SHANK2: variants seen among roughly 807,000 people sequenced by gnomAD.
The protein encoded by SHANK2 is SH3 and multiple ankyrin repeat domains protein 2.
A neutral mutation model predicts 133.7 loss-of-function variants in SHANK2; 43 were observed. The observed-to-expected ratio is 0.32, with a 90% CI of 0.25 to 0.41. SHANK2 has a LOEUF of 0.41. Ranked by LOEUF, SHANK2 falls within the 10% of genes least tolerant of loss-of-function variation. The pLI, the probability that SHANK2 is intolerant of heterozygous loss-of-function variation, is 1.00. For synonymous variants in SHANK2, 1,017 were observed against 952.8 expected (o/e 1.07, Z -1.24); for missense variants, 1,994 against 2,235.8 (o/e 0.89, Z 2.18).
chr11:70,553,561 C>A (rs1409450799), intron 17 of SHANK2, among the ~76,000 whole-genome samples: 1 of 152,152 alleles, frequency 6.6e-6, no homozygotes, highest in Non-Finnish European at 1.5e-5. Context: ...GTCCTGACAG[C>A]TCAGTCACTG....
intron 14 of SHANK2, among the ~76,000 whole-genome samples, chr11:70,774,730 C>T (rs1007879597): frequency 8.3e-4 from 126 of 151,976 alleles, no homozygotes; most frequent in Non-Finnish European, 2.8e-4. Context: ...CTTAATGGTG[C>T]ACTTTAAAAC....
At chr11:70,815,311 G>A (rs1234772903) in intron 12 of SHANK2, among the ~76,000 whole-genome samples, 5 of 151,974 alleles carry the variant, frequency 3.3e-5, no homozygotes, top group Non-Finnish European at 5.9e-5. Flanking sequence ...GTAGGCAGGA[G>A]AGACTGTGGG....
intron 1 of SHANK2, among the ~76,000 whole-genome samples, chr11:71,234,726 C>T (rs1380683486): frequency 4.6e-5 from 7 of 152,178 alleles, no homozygotes; most frequent in African/African-American, 1.4e-4. Flanking sequence ...GCTAAGTCTG[C>T]GTCCTCTTCT....
In SHANK2 at chr11:71,154,517, C is replaced by T. The variant is rs181183869; in HGVS notation, c.-12-7179G>A. Among the ~76,000 whole-genome samples the T allele has an allele frequency of 6.3e-3, 956 of 152,340 alleles. 9 individuals carry two copies. The highest frequency in any genetic ancestry group is 0.022 in the African/African-American group (918 of 41,576). ...TAACCCACTGTTCTCCTCCCTGCACCTGCAAAACACATCAGCTGAGAAGGA... is the reference window on the plus strand; with the variant it reads ...TAACCCACTGTTCTCCTCCCTGCACTTGCAAAACACATCAGCTGAGAAGGA... On this transcript the variant is annotated intron_variant, in intron 2 of 25. Coordinates refer to ENST00000601538, the MANE Select transcript of SHANK2 (RefSeq NM_012309.5).
chr11:71,084,951 G>A (rs1297346023), intron 8 of SHANK2, among the ~76,000 whole-genome samples: 4 of 152,076 alleles, frequency 2.6e-5, no homozygotes, highest in Non-Finnish European at 2.9e-5. Flanking sequence ...AAATTGCTAC[G>A]GGTCCTATAC....
chr11:70,840,106 G>A (rs1948880473), intron 11 of SHANK2, among the ~76,000 whole-genome samples: 1 of 152,206 alleles, frequency 6.6e-6, no homozygotes, highest in Non-Finnish European at 1.5e-5. Flanking sequence ...CGTACAGTCT[G>A]GGAAGAACAG....
At chr11:71,177,749 T>C (rs1953475114) in intron 2 of SHANK2, among the ~76,000 whole-genome samples, 1 of 152,088 alleles carries the variant, frequency 6.6e-6, no homozygotes, top group South Asian at 2.1e-4. Context: ...AATTCAAAAA[T>C]AGGCAAAGAA....
intron 3 of SHANK2, among the ~76,000 whole-genome samples, chr11:71,139,000 G>A (rs1422660336): frequency 3.3e-5 from 5 of 151,978 alleles, no homozygotes; most frequent in Non-Finnish European, 7.4e-5. Flanking sequence ...GAGAGAGGGA[G>A]GACAGCTGAG....
intron 13 of SHANK2, among the ~76,000 whole-genome samples, chr11:70,798,926 A>C (rs1237897709): frequency 2.6e-5 from 4 of 152,092 alleles, no homozygotes; most frequent in Non-Finnish European, 5.9e-5. Flanking sequence ...CCTTACCATC[A>C]ATGATTTCAG....
intron 6 of SHANK2, among the ~76,000 whole-genome samples, chr11:71,103,026 GCT>G (rs1417099904): frequency 2.0e-5 from 3 of 152,250 alleles, no homozygotes; most frequent in Admixed American, 2.0e-4. Flanking sequence ...GAGCGAGGGA[GCT>G]CTCTCTGCCT....
intron 9 of SHANK2, among the ~76,000 whole-genome samples, chr11:71,066,205 G>T (rs1173929178): frequency 4.9e-5 from 1 of 20,456 alleles, no homozygotes; most frequent in Non-Finnish European, 1.1e-4. Context: ...AGTTGGGGGG[G>T]GTATAGAACT....
chr11:70,743,137 C>G (rs1236901424), intron 14 of SHANK2, among the ~76,000 whole-genome samples: 2 of 152,158 alleles, frequency 1.3e-5, no homozygotes, highest in African/African-American at 4.8e-5. Context: ...AGGGCGGGGG[C>G]TGGAGGGGAA....
chr11:71,196,398 G>A (rs941859305), intron 2 of SHANK2, among the ~76,000 whole-genome samples: 2 of 151,672 alleles, frequency 1.3e-5, no homozygotes, highest in South Asian at 2.1e-4. Context: ...CAATTCTCCC[G>A]CCTCAGCCTC....
Position 70,492,425 on chromosome 11 carries a change from G to A in SHANK2, c.2349C>T (p.Arg783=), listed in dbSNP as rs782345394. The change falls in exon 22 of 26, where the codon CGC becomes CGT. Residue 783 remains arginine, a synonymous_variant. Coordinates refer to ENST00000601538, the MANE Select transcript of SHANK2 (RefSeq NM_012309.5). ...GTTCCACAGCCATGTTCTCAGCAGCGCGGGAGGGCTTGGAGGCCGGGACTA... is the reference window on the plus strand; with the variant it reads ...GTTCCACAGCCATGTTCTCAGCAGCACGGGAGGGCTTGGAGGCCGGGACTA... ...EEIVPASKPS[R]AAENMAVEPR... The A allele has an allele frequency of 9.9e-6, 16 of 1,613,862 alleles. No homozygotes were observed. The highest frequency in any genetic ancestry group is 1.6e-4 in the Middle Eastern group (1 of 6,084).
At chr11:70,945,758 G>A (rs1378690061) in intron 10 of SHANK2, among the ~76,000 whole-genome samples, 3 of 152,186 alleles carry the variant, frequency 2.0e-5, no homozygotes, top group Admixed American at 6.5e-5. Context: ...AAAGCTGCAG[G>A]TGCCTGGGGA....
intron 4 of SHANK2, among the ~76,000 whole-genome samples, chr11:71,116,323 G>A (rs1555100336): frequency 6.6e-6 from 1 of 152,240 alleles, no homozygotes; most frequent in Non-Finnish European, 1.5e-5. Context: ...ATGTTGTGCA[G>A]GAGTAGAAAT....
chr11:70,729,238 T>C (rs531710320), intron 14 of SHANK2, among the ~76,000 whole-genome samples: 22 of 150,654 alleles, frequency 1.5e-4, no homozygotes, highest in African/African-American at 5.1e-4. Context: ...AAAGAAATAC[T>C]GATACACGTG....
At chr11:70,917,737 A>G (rs1950289152) in intron 10 of SHANK2, among the ~76,000 whole-genome samples, 1 of 152,242 alleles carries the variant, frequency 6.6e-6, no homozygotes, top group African/African-American at 2.4e-5. Flanking sequence ...CATTATCCTT[A>G]GCAAACTAAT....
chr11:70,944,747 G>C (rs12802375), intron 10 of SHANK2, among the ~76,000 whole-genome samples: 19,950 of 152,122 alleles, frequency 0.13, 1,699 homozygotes, highest in Middle Eastern at 0.21. Flanking sequence ...GCTTTGTCTT[G>C]GATGATCTCT....
Sources: gnomAD v4.1 joint callset for allele counts (sites outside exome capture counted in the v4.1 genomes callset) on GRCh38, gnomAD v4.1.1 for gene constraint, MANE v1.5 for transcripts, NCBI Gene and HGNC (gene_info 2026-07-23, HGNC 2026-07-21) for gene names.